The following HMG20B variants were observed in gnomAD, a reference collection of about 807,000 sequenced individuals.
The protein encoded by HMG20B is high mobility group 20B.
Under a neutral mutation model 41.6 loss-of-function variants are expected in HMG20B, and 24 were observed. The ratio of observed to expected loss-of-function variants is 0.58; its 90% CI spans 0.42 to 0.81. HMG20B has a LOEUF of 0.81. Among genes scored for constraint, HMG20B ranks in the 30% least tolerant of loss-of-function variants. The probability of loss-of-function intolerance (pLI) is 0.00; values close to 1 mark genes in which losing one functional copy is unlikely to be tolerated. For synonymous variants in HMG20B, 251 were observed against 186.6 expected (o/e 1.34, Z -2.81); for missense variants, 461 against 444.0 (o/e 1.04, Z -0.34).
At chr19:3,577,892 C>G in intron 8 of HMG20B, 89 bp from the exon 9 acceptor site, 1 of 1,266,938 alleles carries the variant, frequency 7.9e-7, no homozygotes, top group East Asian at 2.6e-5. Context: ...CCGCGCGACC[C>G]GCCCTGAGTC....
In HMG20B at chr19:3,578,678, C is replaced by G. The variant is rs763984600; in HGVS notation, c.*157C>G. 1.0e-6 allele frequency: 1 copy of G among 972,594 alleles called. No individual in the cohort carries two copies. The highest frequency in any genetic ancestry group is 2.6e-5 in the East Asian group (1 of 38,580). The allele number at this position is 972,594 out of a possible 1,614,324, so 60.2% of individuals were successfully genotyped here. A position where few individuals can be genotyped will look rare whatever the true frequency, so the allele number is the denominator to read the frequency against. ...CCCTAAAATTAAATTTCTGCAGCAT[C>G]CCTTTAGCTTTCAATCTCCCCAGCC... On this transcript the variant is annotated 3_prime_UTR_variant, in exon 10 of 10. Coordinates refer to ENST00000333651, the MANE Select transcript of HMG20B (RefSeq NM_006339.3).
chr19:3,577,170 C>T (rs929503105), intron 8 of HMG20B, 63 bp downstream of exon 8: 19 of 1,167,128 alleles, frequency 1.6e-5, no homozygotes, highest in South Asian at 8.2e-5. Flanking sequence ...CCTCCCCCCC[C>T]CTCCTCCCTT....
At chr19:3,576,188 C>A in intron 5 of HMG20B, 73 bp from the exon 6 acceptor site, 1 of 1,392,510 alleles carries the variant, frequency 7.2e-7, no homozygotes, top group Non-Finnish European at 1.0e-6. Context: ...GGCTGAGCAG[C>A]GCTGACCTAG....
In HMG20B at chr19:3,576,919, G is replaced by A. The variant is rs749727261; in HGVS notation, c.620G>A (p.Arg207Gln). The A allele has an allele frequency of 1.9e-6, 3 of 1,581,308 alleles. No individual in the cohort carries two copies. Among genetic ancestry groups the A allele is most frequent in the South Asian group, 1.2e-5 (1 of 86,428 alleles). Residue 207 changes from arginine to glutamine, a missense_variant, in exon 8 of 10, where the codon CGG (arginine) becomes CAG (glutamine). Coordinates refer to ENST00000333651, the MANE Select transcript of HMG20B (RefSeq NM_006339.3). ...KAREAELRRLRKMNVAFEEQN... is the reference protein window; with the variant it reads ...KAREAELRRLQKMNVAFEEQN... ...CGTGAGGCGGAGCTTCGGCGCTTGC[G>A]GAAGATGAATGTGGCCTTCGAGGAG...
rs1191653016 is a variant in HMG20B at position 3,578,686 on chromosome 19, C to T, written c.*165C>T. 10 of 904,788 alleles carry T rather than the reference C, an allele frequency of 1.1e-5. No homozygotes were observed. In the Admixed American group the frequency reaches 2.0e-4, roughly 18 times the overall value. The allele number at this position is 904,788 out of a possible 1,614,324, so 56.0% of individuals were successfully genotyped here. A position where few individuals can be genotyped will look rare whatever the true frequency, so the allele number is the denominator to read the frequency against. On this transcript the variant is annotated 3_prime_UTR_variant, in exon 10 of 10. Transcript: ENST00000333651. ...TTAAATTTCTGCAGCATCCCTTTAG[C>T]TTTCAATCTCCCCAGCCCCCTGAAC...
intron 6 of HMG20B, 43 bp from the exon 7 acceptor site, chr19:3,576,510 C>T: frequency 6.4e-7 from 1 of 1,564,366 alleles, no homozygotes; most frequent in Non-Finnish European, 8.8e-7. Flanking sequence ...AGCGTGGCTG[C>T]CTCCTACCAC....
rs2032235286 is a variant in HMG20B at position 3,578,899 on chromosome 19, C to T, written c.*378C>T. ...TCACTACGGGGGGCTGTGCCATAGG[C>T]CACACAGGAAGCTGCCTTGTGGGGA... On this transcript the variant is annotated 3_prime_UTR_variant, in exon 10 of 10. Transcript: ENST00000333651. 1 of 509,942 alleles carries T rather than the reference C, an allele frequency of 2.0e-6. No homozygotes were observed. Among genetic ancestry groups the T allele is most frequent in the Non-Finnish European group, 3.8e-6 (1 of 263,078 alleles). 31.6% of individuals were successfully genotyped at this position (509,942 alleles called of 1,614,324 possible). A position where few individuals can be genotyped will look rare whatever the true frequency, so the allele number is the denominator to read the frequency against.
At chr19:3,578,186 C>A (rs773445027) in intron 9 of HMG20B, 73 bp downstream of exon 9, 3 of 1,562,484 alleles carry the variant, frequency 1.9e-6, no homozygotes, top group Non-Finnish European at 2.6e-6. Flanking sequence ...TTCCCCAGGT[C>A]CGCGAGGGCT....
chr19:3,578,816 C>T lies in HMG20B; in HGVS notation c.*295C>T. 1 of 699,006 alleles carries T rather than the reference C, an allele frequency of 1.4e-6. No individual in the cohort carries two copies. The highest frequency in any genetic ancestry group is 2.6e-6 in the Non-Finnish European group (1 of 380,466). 43.3% of individuals were successfully genotyped at this position (699,006 alleles called of 1,614,324 possible). A position where few individuals can be genotyped will look rare whatever the true frequency, so the allele number is the denominator to read the frequency against. ...GCTACACTGGCTCTCCGGGCCACCCCCAGGACACAGGGCAGACGAAACCCA... is the reference window on the plus strand; with the variant it reads ...GCTACACTGGCTCTCCGGGCCACCCTCAGGACACAGGGCAGACGAAACCCA... On this transcript the variant is annotated 3_prime_UTR_variant, in exon 10 of 10. Coordinates refer to ENST00000333651, the MANE Select transcript of HMG20B (RefSeq NM_006339.3).
chr19:3,575,301 G>C (rs754130633), intron 4 of HMG20B, among the ~76,000 whole-genome samples: 1 of 152,190 alleles, frequency 6.6e-6, no homozygotes, highest in Admixed American at 6.5e-5. Flanking sequence ...CATGACTCTG[G>C]CGTCCGGGAG....
rs765311880 is a variant in HMG20B, at chr19:3,574,561, G to A, written c.326G>A (p.Ser109Asn). ...ACCAAGATGCTGGGCGCCGAGTGGA[G>A]CAAGCTGCAGCCAACGGAAAAGCAG... is the stretch of plus-strand genomic sequence containing the variant. ...EITKMLGAEW[S>N]KLQPTEKQRY... The change falls in exon 4 of 10, where the codon AGC becomes AAC. Residue 109 changes from serine (S) to asparagine (N), a missense_variant. Around this residue, in one of 3 missense-constraint regions of HMG20B, gnomAD observed 308 missense variants for 283.4 expected, o/e 1.09. Transcript: ENST00000333651. 6.2e-7 allele frequency: 1 copy of A among 1,601,648 alleles called. No homozygotes were observed. The highest frequency in any genetic ancestry group is 8.5e-7 in the Non-Finnish European group (1 of 1,176,000).
At chr19:3,574,288 TC>T (rs1455777694) in intron 3 of HMG20B, 94 bp from the exon 4 acceptor site, 3 of 395,332 alleles carry the variant, frequency 7.6e-6, no homozygotes, top group Non-Finnish European at 1.4e-5. Flanking sequence ...CCCGCCCCCA[TC>T]CCCGCCCATA....
chr19:3,574,825 T>C (rs901970925), intron 4 of HMG20B, among the ~76,000 whole-genome samples: 1 of 151,998 alleles, frequency 6.6e-6, no homozygotes, highest in Non-Finnish European at 1.5e-5. Context: ...TTCAAGCAAT[T>C]CTCCTGTCTC....
chr19:3,577,832 A>C, intron 8 of HMG20B, 149 bp from the exon 9 acceptor site: 1 of 688,466 alleles, frequency 1.5e-6, no homozygotes, highest in Non-Finnish European at 2.3e-6. Context: ...GGCTTACCTT[A>C]GCCCACCCTG....
chr19:3,573,461 A>G (rs2032084722), intron 2 of HMG20B, 114 bp downstream of exon 2: 1 of 1,170,410 alleles, frequency 8.5e-7, no homozygotes, highest in South Asian at 1.6e-5. Flanking sequence ...CACCTGGGTC[A>G]GGGGGCTTCT....
chr19:3,576,997 G>T lies in HMG20B; in HGVS notation c.698G>T (p.Arg233Leu). 1 of 1,562,602 alleles carries T rather than the reference G, an allele frequency of 6.4e-7. No homozygotes were observed. Residue 233 changes from arginine (R) to leucine (L), a missense_variant, in exon 8 of 10, where the codon CGT (arginine) becomes CTT (leucine). Coordinates refer to ENST00000333651, the MANE Select transcript of HMG20B (RefSeq NM_006339.3). ...CAGAGCATGAGCAGCGCGCGCGAGCGTCTGGAGCAGGAGCTGGCGCTGGAG... is the reference window on the plus strand; with the variant it reads ...CAGAGCATGAGCAGCGCGCGCGAGCTTCTGGAGCAGGAGCTGGCGCTGGAG... ...HTQSMSSARERLEQELALEER... is the reference protein window; with the variant it reads ...HTQSMSSARELLEQELALEER...
At position 3,578,952 on chromosome 19, in the gene HMG20B, G is replaced by A. The variant is rs1233807949; in HGVS notation, c.*431G>A. 2 of 392,692 alleles carry A rather than the reference G, an allele frequency of 5.1e-6. No homozygotes were observed. Among genetic ancestry groups the A allele is most frequent in the Admixed American group, 3.2e-5 (1 of 31,084 alleles). 24.3% of individuals were successfully genotyped at this position (392,692 alleles called of 1,614,324 possible). ...TACCTGGGGTGTCCCCCGCATGCCT[G>A]TACCCCAGATGGGTGGGGGCCGGCT... is the stretch of plus-strand genomic sequence containing the variant. On this transcript the variant is annotated 3_prime_UTR_variant, in exon 10 of 10. Transcript: ENST00000333651.
chr19:3,575,344 C>T (rs371972242), intron 4 of HMG20B, among the ~76,000 whole-genome samples, 196 bp from the exon 5 acceptor site: 4 of 152,048 alleles, frequency 2.6e-5, no homozygotes, highest in East Asian at 1.9e-4. Context: ...GGGAAGAGTC[C>T]GGGGCATGGG....
At chr19:3,574,998 C>A (rs2032127710) in intron 4 of HMG20B, among the ~76,000 whole-genome samples, 1 of 152,160 alleles carries the variant, frequency 6.6e-6, no homozygotes, top group Admixed American at 6.5e-5. Context: ...ATATTAAAGG[C>A]GTTAGCCACC....
Sources: gnomAD v4.1 joint callset for allele counts (sites outside exome capture counted in the v4.1 genomes callset) on GRCh38, gnomAD v4.1.1 for gene constraint, gnomAD v4.1.1 regional missense constraint, MANE v1.5 for transcripts, NCBI Gene and HGNC (gene_info 2026-07-23, HGNC 2026-07-21) for gene names.